CACNA1D: variants seen among roughly 807,000 people sequenced by gnomAD.
CACNA1D encodes voltage-dependent L-type calcium channel subunit alpha-1D.
CACNA1D carries 55 observed loss-of-function variants against 257.1 expected under a neutral mutation model. The ratio of observed to expected loss-of-function variants is 0.21; its 90% CI spans 0.17 to 0.27. The LOEUF is 0.27. CACNA1D is among the 10% of genes least tolerant of loss of function. CACNA1D has a pLI of 1.00. For synonymous variants in CACNA1D, 980 were observed against 1,014.9 expected (o/e 0.97, Z 0.65); for missense variants, 1,876 against 2,784.0 (o/e 0.67, Z 7.34).
At chr3:53,645,258 T>A (rs1466532477) in intron 3 of CACNA1D, among the ~76,000 whole-genome samples, 1 of 152,216 alleles carries the variant, frequency 6.6e-6, no homozygotes, top group African/African-American at 2.4e-5. Context: ...TTTTCTCCCA[T>A]TTCATAGGTT....
intron 2 of CACNA1D, 67 bp from the exon 3 acceptor site, chr3:53,501,548 C>A: frequency 1.2e-6 from 1 of 836,644 alleles, no homozygotes; most frequent in South Asian, 1.4e-5. Context: ...GTGGTGTGAT[C>A]GGGAGTGTGA....
At position 53,781,551 on chromosome 3, in the gene CACNA1D, G is replaced by GT; in HGVS notation, c.4691-9dup. ...AAATGAGGCTTGCTTTTCCCCTTTT[G>GT]TTTTTTGAATCCAGGGAACCTGGAG... On this transcript the variant is annotated splice_polypyrimidine_tract_variant and intron_variant, in intron 38 of 47. Transcript: ENST00000350061. 6.3e-7 allele frequency: 1 copy of GT among 1,580,854 alleles called. No individual in the cohort carries two copies. The highest frequency in any genetic ancestry group is 8.7e-7 in the Non-Finnish European group (1 of 1,149,680).
intron 3 of CACNA1D, among the ~76,000 whole-genome samples, chr3:53,544,983 T>C (rs898588408): frequency 3.3e-5 from 5 of 152,214 alleles, no homozygotes; most frequent in African/African-American, 1.2e-4. Flanking sequence ...AAGTGCTCCA[T>C]AGGGATTAGC....
At chr3:53,710,843 T>C (rs1456400014) in intron 9 of CACNA1D, among the ~76,000 whole-genome samples, 1 of 152,238 alleles carries the variant, frequency 6.6e-6, no homozygotes, top group Admixed American at 6.5e-5. Context: ...ATTGATTTTT[T>C]TTTCTCCAGG....
Position 53,673,932 on chromosome 3 carries a change from CT to C in CACNA1D, c.1220+807del. ...GCATGTGTTTGGACTCTGATGTCCT[CT>C]CAGTGTGTTGCTTTTGGATTGAACT... On this transcript the variant is annotated intron_variant, in intron 8 of 47. Coordinates refer to ENST00000350061, the MANE Select transcript of CACNA1D (RefSeq NM_001128840.3). This position sits in a 1 kb window ranked among gnomAD's most constrained non-coding sequence, Gnocchi z 4.1. The C allele has an allele frequency of 1.3e-6, 1 of 755,080 alleles. No homozygotes were observed. Among genetic ancestry groups the C allele is most frequent in the Non-Finnish European group, 2.5e-6 (1 of 406,884 alleles). 46.8% of individuals were successfully genotyped at this position (755,080 alleles called of 1,614,324 possible).
rs573940643 is a variant in CACNA1D, at chr3:53,763,682, A to G, written c.3870+1601A>G. 4.6e-5 allele frequency among the ~76,000 whole-genome samples: 7 copies of G among 152,302 alleles called. No homozygotes were observed. The East Asian group carries it at 1.4e-3, about 29-fold the overall frequency. On this transcript the variant is annotated intron_variant, in intron 30 of 47. Transcript: ENST00000350061. ...GATTATAAGGTCCATCCTGGTGCCC[A>G]GACAGCCTGCATCACACAAGGACTG... is the stretch of plus-strand genomic sequence containing the variant.
chr3:53,534,622 T>C (rs1484100219), intron 3 of CACNA1D, among the ~76,000 whole-genome samples: 2 of 152,232 alleles, frequency 1.3e-5, no homozygotes, highest in African/African-American at 4.8e-5. Context: ...CACTGGTTTC[T>C]GTGACCCACG....
chr3:53,625,851 A>G (rs1240360888), intron 3 of CACNA1D, among the ~76,000 whole-genome samples: 3 of 152,158 alleles, frequency 2.0e-5, no homozygotes, highest in Non-Finnish European at 4.4e-5. Flanking sequence ...CCAGCTGGGT[A>G]TACAGAGGTT....
intron 45 of CACNA1D, chr3:53,808,248 A>G (rs2095577161): frequency 3.9e-6 from 1 of 256,184 alleles, no homozygotes; most frequent in Admixed American, 5.1e-5. Flanking sequence ...CCCTGTCTCT[A>G]CTGAAAATAC....
At chr3:53,498,165 C>G (rs557445961) in intron 2 of CACNA1D, among the ~76,000 whole-genome samples, 47 of 152,324 alleles carry the variant, frequency 3.1e-4, no homozygotes, top group African/African-American at 1.1e-3. Flanking sequence ...GTGTGTGCCT[C>G]TTCCTCCTGG....
At chr3:53,704,625 G>A (rs1440467289) in intron 9 of CACNA1D, among the ~76,000 whole-genome samples, 5 of 152,178 alleles carry the variant, frequency 3.3e-5, no homozygotes, top group African/African-American at 1.2e-4. Flanking sequence ...CTGCAGTATG[G>A]CAACAGGCCA....
intron 29 of CACNA1D, among the ~76,000 whole-genome samples, chr3:53,757,408 C>A (rs1355331282): frequency 6.6e-6 from 1 of 152,170 alleles, no homozygotes; most frequent in African/African-American, 2.4e-5. Context: ...AAGATGCATA[C>A]ATGCCAGAGC....
chr3:53,659,208 C>A (rs1406365865), intron 4 of CACNA1D, among the ~76,000 whole-genome samples: 1 of 152,066 alleles, frequency 6.6e-6, no homozygotes, highest in African/African-American at 2.4e-5. Flanking sequence ...GAGCAGATTG[C>A]CTGAAAATAG....
intron 3 of CACNA1D, among the ~76,000 whole-genome samples, chr3:53,534,558 A>T (rs2092055986): frequency 1.3e-5 from 2 of 152,138 alleles, no homozygotes; most frequent in African/African-American, 4.8e-5. Context: ...CCTCATGGAC[A>T]TACTGGCGTT....
At chr3:53,672,774 GTGTGTGTGTGTGTGT>G in intron 7 of CACNA1D, among the ~76,000 whole-genome samples, 1 of 120,854 alleles carries the variant, frequency 8.3e-6, no homozygotes, top group Non-Finnish European at 1.8e-5. Context: ...GTGTGTGTGT[GTGTGTGTGTGTGTGT>G]GTGTGTGTGT....
rs1576557825 is a variant in CACNA1D, at chr3:53,751,982, A to G, written c.3675+75A>G. 1 of 1,431,282 alleles carries G rather than the reference A, an allele frequency of 7.0e-7. No homozygotes were observed. The highest frequency in any genetic ancestry group is 9.9e-7 in the Non-Finnish European group (1 of 1,013,858). The allele number at this position is 1,431,282 out of a possible 1,614,324, so 88.7% of individuals were successfully genotyped here. A position where few individuals can be genotyped will look rare whatever the true frequency, so the allele number is the denominator to read the frequency against. ...CCCGTGCCCCAAATGCTGAGGGTGG[A>G]ATGCTGCCCCTCACAGGAGGGGTTT... On this transcript the variant is annotated intron_variant, in intron 28 of 47. Transcript: ENST00000350061. The surrounding 1 kb of genome is among the most constrained non-coding windows in gnomAD (Gnocchi z 4.3).
intron 3 of CACNA1D, among the ~76,000 whole-genome samples, chr3:53,634,283 C>T (rs2108141703): frequency 6.6e-6 from 1 of 152,218 alleles, no homozygotes; most frequent in South Asian, 2.1e-4. Flanking sequence ...AGCTTGTTGC[C>T]TTTTCTAACA....
rs72957282 is a variant in CACNA1D, at chr3:53,531,662, C to A, written c.483+29942C>A. Reference sequence around the variant, plus strand: ...AGAGGTACCTTCTTATTAATGAATTCTTCCCATCACACCCACTCTGTTTGA... The same window carrying A: ...AGAGGTACCTTCTTATTAATGAATTATTCCCATCACACCCACTCTGTTTGA... On this transcript the variant is annotated intron_variant, in intron 3 of 47. Coordinates refer to ENST00000350061, the MANE Select transcript of CACNA1D (RefSeq NM_001128840.3). Among the ~76,000 whole-genome samples the A allele has an allele frequency of 1.3e-3, 199 of 152,252 alleles. 2 individuals are homozygous for A. The highest frequency in any genetic ancestry group is 4.5e-3 in the African/African-American group (189 of 41,546).
At chr3:53,722,231 G>A in intron 11 of CACNA1D, 83 bp from the exon 12 acceptor site, 5 of 1,529,002 alleles carry the variant, frequency 3.3e-6, no homozygotes, top group Middle Eastern at 2.3e-4. Flanking sequence ...CAGAGTGAAA[G>A]CCAAATTATC....
Sources: allele counts gnomAD v4.1 joint callset (sites outside exome capture counted in the v4.1 genomes callset), GRCh38; gene constraint gnomAD v4.1.1; non-coding constraint Gnocchi (gnomAD v3.1); transcripts MANE v1.5; gene names NCBI Gene and HGNC (gene_info 2026-07-23, HGNC 2026-07-21).